CEP350: variants seen among roughly 807,000 people sequenced by gnomAD.
CEP350 encodes the protein centrosomal protein 350.
Under a neutral mutation model 331.8 loss-of-function variants are expected in CEP350, and 126 were observed. The ratio of observed to expected loss-of-function variants is 0.38; its 90% CI spans 0.33 to 0.44. The LOEUF (loss-of-function observed/expected upper bound fraction) is 0.44. Among genes scored for constraint, CEP350 ranks in the 20% least tolerant of loss-of-function variants. The pLI, the probability that CEP350 is intolerant of heterozygous loss-of-function variation, is 1.00. For missense variants in CEP350, 3,406 were observed against 3,634.6 expected (o/e 0.94, Z 1.62); for synonymous variants, 1,200 against 1,259.5 (o/e 0.95, Z 1.00).
chr1:180,059,811 C>G (rs1431832105), intron 25 of CEP350, among the ~76,000 whole-genome samples: 1 of 152,092 alleles, frequency 6.6e-6, no homozygotes, highest in Non-Finnish European at 1.5e-5. Flanking sequence ...ACACAAAAGT[C>G]AGGATTTTGA....
In CEP350 at chr1:180,093,293, T is replaced by C; in HGVS notation, c.7188T>C (p.Asp2396=). 1.9e-6 allele frequency: 3 copies of C among 1,598,094 alleles called. No individual in the cohort carries two copies. The highest frequency in any genetic ancestry group is 2.6e-6 in the Non-Finnish European group (3 of 1,171,556). Residue 2396 remains aspartate (D), a synonymous_variant, in exon 34 of 38, where the codon GAT becomes GAC. Coordinates refer to ENST00000367607, the MANE Select transcript of CEP350 (RefSeq NM_014810.5). ...KEISAELYKD[D]FEVSSLLSLR... ...TTTCAGCTGAATTGTACAAAGATGA[T>C]TTTGAGGTGTCATCTTTGCTGTCAC... is the stretch of plus-strand genomic sequence containing the variant.
rs1395984291 is a variant in CEP350 at position 180,091,229 on chromosome 1, G to A, written c.6508+433G>A. 2.0e-5 allele frequency among the ~76,000 whole-genome samples: 3 copies of A among 151,546 alleles called. No individual in the cohort carries two copies. The South Asian group carries it at 6.3e-4, about 32-fold the overall frequency. The stretch of plus-strand genomic sequence containing the variant: ...GGGGGGGTCTCACCGTTGTTGCCCA[G>A]GCTGGTCTCGAACTCTTGGACTCAC... On this transcript the variant is annotated intron_variant, in intron 33 of 37. Transcript: ENST00000367607.
intron 26 of CEP350, 71 bp downstream of exon 26, chr1:180,062,437 T>G: frequency 6.9e-7 from 1 of 1,441,988 alleles, no homozygotes. Flanking sequence ...TGTCTCATGT[T>G]CTAAGATAAT....
At chr1:180,007,185 A>G (rs1301434689) in intron 8 of CEP350, among the ~76,000 whole-genome samples, 4 of 152,212 alleles carry the variant, frequency 2.6e-5, no homozygotes, top group African/African-American at 9.7e-5. Flanking sequence ...GAATTGCCAC[A>G]CTGTCTTCCA....
At chr1:179,990,082 G>A (rs1652936955) in intron 3 of CEP350, among the ~76,000 whole-genome samples, 1 of 151,980 alleles carries the variant, frequency 6.6e-6, no homozygotes, top group Non-Finnish European at 1.5e-5. Flanking sequence ...CCAGCCTCTA[G>A]GGAGGCTGAG....
At chr1:180,032,910 A>T (rs990649691) in intron 15 of CEP350, among the ~76,000 whole-genome samples, 1 of 152,136 alleles carries the variant, frequency 6.6e-6, no homozygotes, top group Non-Finnish European at 1.5e-5. Flanking sequence ...GACTGTTAGA[A>T]ATAGTATTTA....
chr1:179,993,526 G>A (rs557482845), intron 5 of CEP350, among the ~76,000 whole-genome samples: 1 of 152,216 alleles, frequency 6.6e-6, no homozygotes, highest in African/African-American at 2.4e-5. Context: ...GGACTCAGGC[G>A]ATTCTCTCAC....
chr1:180,005,479 A>G (rs112068740), intron 7 of CEP350, among the ~76,000 whole-genome samples: 1,544 of 152,120 alleles, frequency 0.01, 27 homozygotes, highest in African/African-American at 0.033. Context: ...CACTTCCATT[A>G]CCACCACCTA....
In CEP350 at chr1:180,020,568, A is replaced by T; in HGVS notation, c.2794A>T (p.Ile932Leu). 6.2e-7 allele frequency: 1 copy of T among 1,614,038 alleles called. No individual in the cohort carries two copies. ...LPEMIRPQSA[I>L]SSFRVRSPGP... is the part of the protein sequence containing the mutation. ...TGAGATGATAAGACCACAGAGTGCC[A>T]TATCAAGCTTTAGAGTGAGATCCCC... Residue 932 changes from isoleucine (I) to leucine (L), a missense_variant, in exon 12 of 38, where the codon ATA (isoleucine) becomes TTA (leucine). Transcript: ENST00000367607.
chr1:180,032,767 A>G (rs1656105295), intron 15 of CEP350, among the ~76,000 whole-genome samples: 1 of 152,092 alleles, frequency 6.6e-6, no homozygotes, highest in Non-Finnish European at 1.5e-5. Context: ...TTATCTGCAT[A>G]GCAAATATAA....
chr1:180,053,799 C>T lies in CEP350; in HGVS notation c.5039C>T (p.Thr1680Ile). 2 of 1,605,816 alleles carry T rather than the reference C, an allele frequency of 1.2e-6. No homozygotes were observed. The highest frequency in any genetic ancestry group is 2.2e-5 in the South Asian group (2 of 89,820). Residue 1680 changes from threonine to isoleucine, a missense_variant, in exon 24 of 38, where the codon ACT (threonine) becomes ATT (isoleucine). Transcript: ENST00000367607. The part of the protein sequence containing the change: ...SGGQDSFSKF[T>I]MEMVRQYMKE... The stretch of plus-strand genomic sequence containing the variant: ...GGACAAGATAGCTTTTCTAAATTTA[C>T]TATGGAGATGGTTCGACAGTATATG...
intron 12 of CEP350, among the ~76,000 whole-genome samples, chr1:180,021,341 T>C (rs1339057390): frequency 6.6e-6 from 1 of 152,116 alleles, no homozygotes; most frequent in African/African-American, 2.4e-5. Context: ...TCTGTGACCA[T>C]AGTTATGTAC....
At position 180,075,185 on chromosome 1, in the gene CEP350, A is replaced by C; in HGVS notation, c.5731A>C (p.Lys1911Gln). Residue 1911 changes from lysine to glutamine, a missense_variant, in exon 28 of 38, where the codon AAG (lysine) becomes CAG (glutamine). Around this residue, in one of 5 missense-constraint regions of CEP350, gnomAD observed 1,415 missense variants for 1,512.3 expected, o/e 0.94. Transcript: ENST00000367607. ...AGAATTAATAAAACCCAAAACTCCT[A>C]AGAAAGAACTGGAGGACCAGAGAAC... ...DKELIKPKTP[K>Q]KELEDQRTEQ... The C allele has an allele frequency of 6.2e-7, 1 of 1,613,116 alleles. No homozygotes were observed. Among genetic ancestry groups the C allele is most frequent in the Non-Finnish European group, 8.5e-7 (1 of 1,179,542 alleles).
rs1558058983 is a variant in CEP350 at position 179,954,988 on chromosome 1, C to T, written c.-168C>T. On this transcript the variant is annotated 5_prime_UTR_variant, in exon 1 of 38. Transcript: ENST00000367607. The stretch of plus-strand genomic sequence containing the variant: ...CTTCCTTCCCAGCGGACCGGCGGAT[C>T]CCCGGAGCCGGTGCGAGGAGGGCAC... 4 of 1,244,718 alleles carry T rather than the reference C, an allele frequency of 3.2e-6. No homozygotes were observed. The highest frequency in any genetic ancestry group is 3.2e-5 in the East Asian group (1 of 31,540). The allele number at this position is 1,244,718 out of a possible 1,614,324, so 77.1% of individuals were successfully genotyped here. A position where few individuals can be genotyped will look rare whatever the true frequency, so the allele number is the denominator to read the frequency against.
At chr1:180,011,451 C>CT (rs1558098117) in intron 8 of CEP350, among the ~76,000 whole-genome samples, 1 of 151,928 alleles carries the variant, frequency 6.6e-6, no homozygotes, top group African/African-American at 2.4e-5. Flanking sequence ...TACCTTAGTT[C>CT]TTTTTTTGAG....
chr1:180,102,180 G>T (rs1416051598), intron 37 of CEP350, among the ~76,000 whole-genome samples: 6 of 149,998 alleles, frequency 4.0e-5, no homozygotes, highest in African/African-American at 1.2e-4. Context: ...TTGTTACCCA[G>T]GCTGGAGTGC....
In CEP350 at chr1:179,991,530, C is replaced by T. The variant is rs888429624; in HGVS notation, c.236-532C>T. ...GTCTCAAACTCCTGACCTCGTGATC[C>T]GCCTGCCTTGGCCTCCCAAAGTGCA... On this transcript the variant is annotated intron_variant, in intron 4 of 37. Coordinates refer to ENST00000367607, the MANE Select transcript of CEP350 (RefSeq NM_014810.5). Among the ~76,000 whole-genome samples, 5 of 151,332 alleles carry T rather than the reference C, an allele frequency of 3.3e-5. No homozygotes were observed. In the South Asian group the frequency reaches 8.3e-4, roughly 25 times the overall value.
At chr1:179,963,020 T>C (rs1650746282) in intron 1 of CEP350, among the ~76,000 whole-genome samples, 1 of 152,198 alleles carries the variant, frequency 6.6e-6, no homozygotes, top group South Asian at 2.1e-4. Flanking sequence ...TGGTGTGAGA[T>C]GGTATCAGTG....
chr1:180,031,961 C>T lies in CEP350; in HGVS notation c.3725+467C>T, dbSNP rs575756980. ...CTCATCTATTCATCCATTCTTTCAA[C>T]ACAGCTACTTAGCATCCTTATTGTC... is the stretch of plus-strand genomic sequence containing the variant. On this transcript the variant is annotated intron_variant, in intron 15 of 37. Transcript: ENST00000367607. Among the ~76,000 whole-genome samples the T allele has an allele frequency of 2.6e-5, 4 of 152,198 alleles. No homozygotes were observed. The South Asian group carries it at 8.3e-4, about 32-fold the overall frequency.
Sources: allele counts gnomAD v4.1 joint callset (sites outside exome capture counted in the v4.1 genomes callset), GRCh38; gene constraint gnomAD v4.1.1; regional missense constraint gnomAD v4.1.1; transcripts MANE v1.5; gene names NCBI Gene and HGNC (gene_info 2026-07-23, HGNC 2026-07-21).